The following LYRM4 variants were observed in gnomAD, a reference collection of about 807,000 sequenced individuals.
LYRM4 encodes LYR motif containing 4, also known as LYR motif-containing protein 4.
In LYRM4, 9 loss-of-function variants were observed where a neutral mutation model predicts 11.7. The ratio of observed to expected loss-of-function variants is 0.77; its 90% CI spans 0.46 to 1.34. The LOEUF is 1.34. Ranked by LOEUF, LYRM4 falls within the 40% of genes most tolerant of loss-of-function variation. LYRM4 has a pLI of 0.00. For missense variants in LYRM4, 133 were observed against 112.5 expected (o/e 1.18, Z -0.82); for synonymous variants, 42 against 40.4 (o/e 1.04, Z -0.15).
At position 5,259,843 on chromosome 6, in the gene LYRM4, A is replaced by G. The variant is rs375342471; in HGVS notation, c.86+805T>C. On this transcript the variant is annotated intron_variant, in intron 1 of 2. Transcript: ENST00000330636. Reference sequence around the variant, plus strand: ...AACAAATCTAAAAAAAAATGCAGAGAGAGAATCCATAAGAAAATGATGGGT... The same window carrying G: ...AACAAATCTAAAAAAAAATGCAGAGGGAGAATCCATAAGAAAATGATGGGT... 2.8e-4 allele frequency among the ~76,000 whole-genome samples: 42 copies of G among 152,368 alleles called. No individual in the cohort carries two copies. The South Asian group carries it at 7.9e-3, about 29-fold the overall frequency.
At chr6:5,112,375 C>T (rs1415383857) in intron 2 of LYRM4, among the ~76,000 whole-genome samples, 2 of 152,204 alleles carry the variant, frequency 1.3e-5, no homozygotes, top group Non-Finnish European at 2.9e-5. Context: ...GATGAGCGAG[C>T]GAGCGAAGGA....
At chr6:5,127,976 C>A (rs1328496604) in intron 2 of LYRM4, among the ~76,000 whole-genome samples, 2 of 152,100 alleles carry the variant, frequency 1.3e-5, no homozygotes, top group African/African-American at 2.4e-5. Context: ...GTCCCTGTAC[C>A]CTTCACCCTA....
At chr6:5,096,938 T>C in the LYRM4 span, among the ~76,000 whole-genome samples, 1 of 88,282 alleles carries the variant, frequency 1.1e-5, no homozygotes, top group Non-Finnish European at 2.8e-5. Flanking sequence ...CTGAGTGTGC[T>C]AACCAGACAA....
intron 2 of LYRM4, among the ~76,000 whole-genome samples, chr6:5,215,973 G>A (rs1352096709): frequency 6.6e-6 from 1 of 152,128 alleles, no homozygotes; most frequent in Non-Finnish European, 1.5e-5. Context: ...TTACTCTTGC[G>A]GATGTTATCA....
the LYRM4 span, among the ~76,000 whole-genome samples, chr6:5,095,919 G>A: frequency 6.6e-6 from 1 of 152,174 alleles, no homozygotes; most frequent in African/African-American, 2.4e-5. Flanking sequence ...GGTGGAGGTT[G>A]CAGTGAGCCG....
chr6:5,130,343 G>A (rs1467606326), intron 2 of LYRM4, among the ~76,000 whole-genome samples: 1 of 152,198 alleles, frequency 6.6e-6, no homozygotes, highest in Non-Finnish European at 1.5e-5. Flanking sequence ...AGCTTTATCT[G>A]CCAAGCAGGG....
At chr6:5,200,940 T>C (rs1561866688) in intron 2 of LYRM4, among the ~76,000 whole-genome samples, 1 of 152,216 alleles carries the variant, frequency 6.6e-6, no homozygotes, top group Non-Finnish European at 1.5e-5. Flanking sequence ...CACCCAGTAA[T>C]ACCGTGTAAA....
chr6:5,171,008 T>G (rs1027412796), intron 2 of LYRM4, among the ~76,000 whole-genome samples: 4 of 152,174 alleles, frequency 2.6e-5, no homozygotes, highest in African/African-American at 4.8e-5. Flanking sequence ...GATGTTAATT[T>G]GAAATTAGGA....
chr6:5,114,254 G>A (rs79893585), intron 2 of LYRM4, among the ~76,000 whole-genome samples: 1 of 152,212 alleles, frequency 6.6e-6, no homozygotes, highest in African/African-American at 2.4e-5. Context: ...CGCTAAGACT[G>A]GGGGGCAGAA....
the LYRM4 span, among the ~76,000 whole-genome samples, chr6:5,056,710 C>T: frequency 2.0e-5 from 3 of 152,314 alleles, no homozygotes; most frequent in East Asian, 5.8e-4. Flanking sequence ...ATTTTTCCTT[C>T]AAAGTTCAGA....
chr6:5,103,777 G>A (rs1397394570), downstream of LYRM4: 1 of 151,670 alleles, frequency 6.6e-6, no homozygotes, highest in Non-Finnish European at 1.5e-5. Context: ...TGGGATTACA[G>A]GCGCCCACTG....
chr6:5,051,945 G>A, the LYRM4 span, among the ~76,000 whole-genome samples: 1 of 152,250 alleles, frequency 6.6e-6, no homozygotes, highest in East Asian at 1.9e-4. Context: ...CTAATAGACT[G>A]AGAACTCACC....
the LYRM4 span, among the ~76,000 whole-genome samples, chr6:5,060,090 T>C: frequency 7.9e-5 from 12 of 152,372 alleles, no homozygotes; most frequent in African/African-American, 2.6e-4. Context: ...CCCTCTTTAA[T>C]GAGCATGTAC....
chr6:5,050,251 A>C, the LYRM4 span, among the ~76,000 whole-genome samples: 1 of 152,268 alleles, frequency 6.6e-6, no homozygotes, highest in Non-Finnish European at 1.5e-5. Flanking sequence ...GCTCAGTAGC[A>C]GCTGTCACCC....
chr6:5,145,038 C>CA (rs111434849), intron 2 of LYRM4, among the ~76,000 whole-genome samples: 3,139 of 152,324 alleles, frequency 0.021, 41 homozygotes, highest in Middle Eastern at 0.078. Context: ...GGTAAAAGGG[C>CA]AGGCCCCATC....
chr6:5,164,255 A>G (rs1182816807), intron 2 of LYRM4, among the ~76,000 whole-genome samples: 6 of 152,202 alleles, frequency 3.9e-5, no homozygotes, highest in African/African-American at 7.2e-5. Context: ...CTCACTAAAG[A>G]TAAGTATCTG....
At chr6:5,136,742 C>A in intron 2 of LYRM4, 1 of 985,426 alleles carries the variant, frequency 1.0e-6, no homozygotes, top group Non-Finnish European at 1.2e-6. Flanking sequence ...GGAGCAGCGC[C>A]TGTAGGAAGA....
chr6:5,201,552 G>C (rs1222069297), intron 2 of LYRM4, among the ~76,000 whole-genome samples: 2 of 152,200 alleles, frequency 1.3e-5, no homozygotes, highest in Non-Finnish European at 2.9e-5. Context: ...TGGGTCACCT[G>C]CTTAGCTAAT....
the LYRM4 span, chr6:5,085,976 T>G: frequency 6.5e-7 from 1 of 1,526,892 alleles, no homozygotes; most frequent in East Asian, 2.5e-5. Context: ...CTCTCGCGCC[T>G]CCGAAGCTTC....
Sources: allele counts gnomAD v4.1 joint callset (sites outside exome capture counted in the v4.1 genomes callset), GRCh38; gene constraint gnomAD v4.1.1; transcripts MANE v1.5; gene names NCBI Gene and HGNC (gene_info 2026-07-23, HGNC 2026-07-21).